CORO2B: variants seen among roughly 807,000 people sequenced by gnomAD.
CORO2B encodes coronin-2B.
CORO2B carries 26 observed loss-of-function variants against 58.8 expected under a neutral mutation model. The observed-to-expected ratio is 0.44, with a 90% confidence interval of 0.32 to 0.61. The LOEUF is 0.61. Among genes scored for constraint, CORO2B ranks in the 20% least tolerant of loss-of-function variants. The pLI, the probability that CORO2B is intolerant of heterozygous loss-of-function variation, is 0.04. For missense variants in CORO2B, 460 were observed against 645.1 expected (o/e 0.71, Z 3.11); for synonymous variants, 242 against 253.8 (o/e 0.95, Z 0.44).
chr15:68,564,707 T>C, the CORO2B span, among the ~76,000 whole-genome samples: 2 of 152,202 alleles, frequency 1.3e-5, no homozygotes, highest in Non-Finnish European at 2.9e-5. Context: ...GATAAAGAAA[T>C]GGAACCTGAG....
the CORO2B span, among the ~76,000 whole-genome samples, chr15:68,554,313 G>A: frequency 6.6e-6 from 1 of 152,110 alleles, no homozygotes; most frequent in Non-Finnish European, 1.5e-5. Context: ...CGTGGAGCAG[G>A]TGGACGTAAT....
At chr15:68,662,857 T>C (rs1491634) in intron 2 of CORO2B, among the ~76,000 whole-genome samples, 15,097 of 152,244 alleles carry the variant, frequency 0.099, 1,212 homozygotes, top group African/African-American at 0.22. Flanking sequence ...TTGTATATAT[T>C]TTATGCCAGT....
At chr15:68,687,467 A>G (rs1903021925) in intron 2 of CORO2B, among the ~76,000 whole-genome samples, 1 of 152,146 alleles carries the variant, frequency 6.6e-6, no homozygotes, top group Non-Finnish European at 1.5e-5. Context: ...GAGAGTACCC[A>G]CTGCTCCCCT....
At chr15:68,725,343 T>C (rs1893268183) in intron 11 of CORO2B, among the ~76,000 whole-genome samples, 1 of 152,132 alleles carries the variant, frequency 6.6e-6, no homozygotes, top group Admixed American at 6.5e-5. Flanking sequence ...CACTACAGCC[T>C]GGGCGACAAA....
At chr15:68,589,880 C>G (rs1899655995) in intron 1 of CORO2B, among the ~76,000 whole-genome samples, 2 of 152,238 alleles carry the variant, frequency 1.3e-5, no homozygotes, top group Admixed American at 1.3e-4. Flanking sequence ...GGAGCCCTTT[C>G]TGCTCAACCA....
At chr15:68,588,544 T>C (rs1899623900) in intron 1 of CORO2B, among the ~76,000 whole-genome samples, 1 of 152,142 alleles carries the variant, frequency 6.6e-6, no homozygotes, top group African/African-American at 2.4e-5. Context: ...CAGAGCACAG[T>C]CCTACCTGGG....
chr15:68,581,817 G>A (rs1470141144), intron 1 of CORO2B, among the ~76,000 whole-genome samples: 1 of 152,192 alleles, frequency 6.6e-6, no homozygotes, highest in Non-Finnish European at 1.5e-5. Flanking sequence ...TCGAGAGTGA[G>A]CTCCCAGGGC....
the CORO2B span, among the ~76,000 whole-genome samples, chr15:68,540,922 A>C: frequency 6.6e-6 from 1 of 152,220 alleles, no homozygotes; most frequent in African/African-American, 2.4e-5. Flanking sequence ...TTATTATGAA[A>C]ATAGTCGTGA....
At chr15:68,656,372 G>T (rs1450252711) in intron 2 of CORO2B, among the ~76,000 whole-genome samples, 2 of 151,916 alleles carry the variant, frequency 1.3e-5, no homozygotes, top group African/African-American at 4.8e-5. Flanking sequence ...CAGTTGCTAA[G>T]CAACCTGTGC....
At chr15:68,641,769 G>C (rs551629940) in intron 1 of CORO2B, among the ~76,000 whole-genome samples, 4 of 152,110 alleles carry the variant, frequency 2.6e-5, no homozygotes, top group Middle Eastern at 3.2e-3. Flanking sequence ...CTGTCGCCCA[G>C]GTGGTAGTGC....
intron 2 of CORO2B, among the ~76,000 whole-genome samples, chr15:68,673,394 C>A (rs1902467871): frequency 6.6e-6 from 1 of 151,882 alleles, no homozygotes; most frequent in Non-Finnish European, 1.5e-5. Context: ...GCCAAGCATG[C>A]CTGAGTCCGG....
At chr15:68,695,394 C>T (rs547240878) in intron 3 of CORO2B, 138 bp downstream of exon 3, 16 of 677,228 alleles carry the variant, frequency 2.4e-5, no homozygotes, top group Admixed American at 9.0e-5. Context: ...GCAAGCCCCA[C>T]GATGTGGGGG....
chr15:68,556,558 C>A, the CORO2B span, among the ~76,000 whole-genome samples: 1 of 152,244 alleles, frequency 6.6e-6, no homozygotes, highest in Non-Finnish European at 1.5e-5. Flanking sequence ...GTCGAAAGGA[C>A]CCCCAAAGGC....
intron 8 of CORO2B, among the ~76,000 whole-genome samples, chr15:68,717,842 A>T (rs376159583): frequency 6.6e-6 from 1 of 152,206 alleles, no homozygotes; most frequent in Non-Finnish European, 1.5e-5. Flanking sequence ...TTCACAATAC[A>T]GGGAAAGAAA....
At chr15:68,711,422 C>A in intron 4 of CORO2B, 120 bp from the exon 5 acceptor site, 1 of 780,424 alleles carries the variant, frequency 1.3e-6, no homozygotes, top group African/African-American at 1.7e-5. Flanking sequence ...TCCTGCACCC[C>A]AGCACACCCC....
chr15:68,691,683 A>G (rs1322110640), intron 2 of CORO2B, among the ~76,000 whole-genome samples: 2 of 151,180 alleles, frequency 1.3e-5, no homozygotes, highest in Non-Finnish European at 2.9e-5. Flanking sequence ...TTTTTTAAGC[A>G]ATGGAGCTCA....
chr15:68,574,980 C>T (rs1022208061), upstream of CORO2B, among the ~76,000 whole-genome samples: 3 of 152,204 alleles, frequency 2.0e-5, no homozygotes, highest in Non-Finnish European at 4.4e-5. Flanking sequence ...TTATTTACCC[C>T]ACAATGTGTA....
At chr15:68,674,950 G>A (rs117371705) in intron 2 of CORO2B, among the ~76,000 whole-genome samples, 2,789 of 152,260 alleles carry the variant, frequency 0.018, 37 homozygotes, top group Admixed American at 0.027. Context: ...AGCACGAAAG[G>A]AATGAATCCC....
At chr15:68,619,675 G>GTATATATATA (rs1367454299) in intron 1 of CORO2B, among the ~76,000 whole-genome samples, 7 of 152,204 alleles carry the variant, frequency 4.6e-5, no homozygotes, top group African/African-American at 1.4e-4. Flanking sequence ...ATGTGTGTGT[G>GTATATATATA]TGTGTATATA....
Sources: gnomAD v4.1 joint callset for allele counts (sites outside exome capture counted in the v4.1 genomes callset) on GRCh38, gnomAD v4.1.1 for gene constraint, MANE v1.5 for transcripts, NCBI Gene and HGNC (gene_info 2026-07-23, HGNC 2026-07-21) for gene names.